CFAP44: variants seen among roughly 807,000 people sequenced by gnomAD.
CFAP44 encodes cilia- and flagella-associated protein 44.
A neutral mutation model predicts 216.2 loss-of-function variants in CFAP44; 134 were observed. The observed-to-expected ratio is 0.62, with a 90% CI of 0.54 to 0.72. The LOEUF is 0.72. Ranked by LOEUF, CFAP44 falls within the 30% of genes least tolerant of loss-of-function variation. The pLI, the probability that CFAP44 is intolerant of heterozygous loss-of-function variation, is 0.00. For missense variants in CFAP44, 2,035 were observed against 2,182.1 expected, an observed-to-expected ratio of 0.93 and a Z score of 1.34; for synonymous variants, 700 against 727.6, an observed-to-expected ratio of 0.96 and a Z score of 0.61.
intron 23 of CFAP44, among the ~76,000 whole-genome samples, 167 bp downstream of exon 23, chr3:113,344,349 C>T (rs1209444996): frequency 6.6e-6 from 1 of 152,202 alleles, no homozygotes; most frequent in Non-Finnish European, 1.5e-5. Context: ...ATACCATACA[C>T]TTTTGTCTCT....
At chr3:113,346,933 T>C (rs1473722527) in intron 22 of CFAP44, among the ~76,000 whole-genome samples, 7 of 152,170 alleles carry the variant, frequency 4.6e-5, no homozygotes, top group African/African-American at 1.7e-4. Context: ...TTATGAGCTA[T>C]AACACTCACC....
intron 15 of CFAP44, among the ~76,000 whole-genome samples, chr3:113,389,458 G>A (rs73237107): frequency 4.0e-4 from 61 of 151,766 alleles, no homozygotes; most frequent in Non-Finnish European, 7.2e-4. Context: ...ATATCTTAAA[G>A]AACTAAAAAA....
intron 28 of CFAP44, among the ~76,000 whole-genome samples, chr3:113,321,973 T>C (rs181948942): frequency 1.1e-3 from 172 of 152,284 alleles, no homozygotes; most frequent in African/African-American, 4.0e-3. Context: ...GCTACTCCTA[T>C]CAAATTACCA....
At chr3:113,378,272 T>A (rs575333545) in intron 17 of CFAP44, among the ~76,000 whole-genome samples, 1 of 152,352 alleles carries the variant, frequency 6.6e-6, no homozygotes, top group African/African-American at 2.4e-5. Flanking sequence ...CCATGTTTTC[T>A]TTATCCCTTT....
Position 113,358,833 on chromosome 3 carries a change from T to C in CFAP44, c.2977A>G (p.Lys993Glu). The C allele has an allele frequency of 6.5e-7, 1 of 1,536,896 alleles. No individual in the cohort carries two copies. Among genetic ancestry groups the C allele is most frequent in the Non-Finnish European group, 8.7e-7 (1 of 1,146,598 alleles). Residue 993 changes from lysine (K) to glutamate (E), a missense_variant, in exon 22 of 35, where the codon AAA becomes GAA. Physicochemically the swap from Lys to Glu is moderately conservative, Grantham distance 56. Transcript: ENST00000393845. Reference protein sequence around the residue: ...DSQIRAEMHRKTAFKIQQVEK... With the variant: ...DSQIRAEMHRETAFKIQQVEK... ...ACTTGTTGAATTTTGAAAGCTGTTT[T>C]TCTGTGCATCTCAGCACGGATTTGG...
chr3:113,295,454 T>C (rs1329877193), intron 33 of CFAP44, among the ~76,000 whole-genome samples: 1 of 152,240 alleles, frequency 6.6e-6, no homozygotes, highest in Non-Finnish European at 1.5e-5. Flanking sequence ...ATCGCCAACA[T>C]TCCCTTAATA....
Position 113,426,173 on chromosome 3 carries a change from G to A in CFAP44, c.358C>T (p.Pro120Ser). ...FYDYMELASM[P>S]FVTLDSNIPL... ...ATGTTTGAATCCAGAGTCACAAAAG[G>A]CATCGAAGCAAGCTCCATATAATCA... is the stretch of plus-strand genomic sequence containing the variant. Residue 120 changes from proline (P) to serine (S), a missense_variant, in exon 4 of 35, where the codon CCT becomes TCT. By Grantham distance (74) the Pro-to-Ser change is moderately conservative. This residue lies in a region of CFAP44 where 149 missense variants were observed against 141.8 expected (regional missense o/e 1.05). Coordinates refer to ENST00000393845, the MANE Select transcript of CFAP44 (RefSeq NM_001164496.2). 3 of 1,614,100 alleles carry A rather than the reference G, an allele frequency of 1.9e-6. No homozygotes were observed. The highest frequency in any genetic ancestry group is 2.2e-5 in the East Asian group (1 of 44,876).
chr3:113,411,817 T>C (rs1000441282), intron 6 of CFAP44, among the ~76,000 whole-genome samples: 6 of 152,216 alleles, frequency 3.9e-5, no homozygotes, highest in African/African-American at 1.4e-4. Context: ...TTTTAATTCA[T>C]TGAGCAGTGG....
intron 8 of CFAP44, among the ~76,000 whole-genome samples, chr3:113,404,588 C>T (rs1184748637): frequency 1.3e-5 from 2 of 152,064 alleles, no homozygotes; most frequent in Admixed American, 6.6e-5. Context: ...TGACTCTGTA[C>T]CAAGCACTGG....
intron 28 of CFAP44, among the ~76,000 whole-genome samples, chr3:113,319,422 C>T (rs1950120905): frequency 6.6e-6 from 1 of 152,164 alleles, no homozygotes; most frequent in Non-Finnish European, 1.5e-5. Flanking sequence ...CATTGGAGCA[C>T]CCAGATTCAT....
chr3:113,405,214 C>G (rs1466413140), intron 8 of CFAP44, among the ~76,000 whole-genome samples: 1 of 152,128 alleles, frequency 6.6e-6, no homozygotes, highest in Non-Finnish European at 1.5e-5. Context: ...TTTTTAACAA[C>G]CCTACCGACT....
At chr3:113,389,373 C>A (rs1416282452) in intron 15 of CFAP44, among the ~76,000 whole-genome samples, 1 of 151,874 alleles carries the variant, frequency 6.6e-6, no homozygotes, top group Non-Finnish European at 1.5e-5. Flanking sequence ...ACGGTGAAAG[C>A]AGTACTAAGA....
chr3:113,333,615 C>T (rs1950258400), intron 24 of CFAP44, 32 bp from the exon 25 acceptor site: 1 of 1,467,170 alleles, frequency 6.8e-7, no homozygotes, highest in African/African-American at 1.4e-5. Context: ...CCCCCACACA[C>T]AAATATGACA....
Position 113,341,864 on chromosome 3 carries a change from C to T in CFAP44, c.3317G>A (p.Arg1106Gln), listed in dbSNP as rs935423492. Reference sequence around the variant, plus strand: ...GATGATTTCACTTAGGGTTTTAGGCCGAAATTTCTTCCCTTTTTCTATTAT... The same window carrying T: ...GATGATTTCACTTAGGGTTTTAGGCTGAAATTTCTTCCCTTTTTCTATTAT... ...ESIIEKGKKF[R>Q]PKTLSEIIVE... The change falls in exon 24 of 35, where the codon CGG becomes CAG. Residue 1106 changes from arginine (R) to glutamine (Q), a missense_variant. Transcript: ENST00000393845. 3.9e-5 allele frequency: 59 copies of T among 1,531,406 alleles called. No homozygotes were observed. In the Middle Eastern group the frequency reaches 6.7e-4, roughly 17 times the overall value. The allele number at this position is 1,531,406 out of a possible 1,614,324, so 94.9% of individuals were successfully genotyped here. A position where few individuals can be genotyped will look rare whatever the true frequency, so the allele number is the denominator to read the frequency against.
At chr3:113,293,787 GGAA>G (rs973107213) in intron 34 of CFAP44, among the ~76,000 whole-genome samples, 3 of 152,160 alleles carry the variant, frequency 2.0e-5, no homozygotes, top group Admixed American at 2.0e-4. Flanking sequence ...CACTTTTCAT[GGAA>G]TAAACAACAT....
intron 20 of CFAP44, 48 bp from the exon 21 acceptor site, chr3:113,363,355 C>T: frequency 6.4e-7 from 1 of 1,574,444 alleles, no homozygotes; most frequent in Non-Finnish European, 8.6e-7. Flanking sequence ...ACAGAAACAG[C>T]AGAGAAAGAG....
At chr3:113,410,436 A>T (rs1934431185) in intron 6 of CFAP44, among the ~76,000 whole-genome samples, 1 of 152,066 alleles carries the variant, frequency 6.6e-6, no homozygotes, top group Non-Finnish European at 1.5e-5. Flanking sequence ...GCTCAGAATG[A>T]TGGTTTCCAG....
chr3:113,433,300 G>A (rs2107415453), intron 2 of CFAP44, among the ~76,000 whole-genome samples: 1 of 151,426 alleles, frequency 6.6e-6, no homozygotes, highest in Non-Finnish European at 1.5e-5. Flanking sequence ...GTGGTAGCAG[G>A]CACCTGTAAT....
chr3:113,344,527 T>C lies in CFAP44; in HGVS notation c.3251A>G (p.Gln1084Arg), dbSNP rs1405126764. Residue 1084 changes from glutamine (Q) to arginine (R), a missense_variant, in exon 23 of 35, where the codon CAG becomes CGG. Gln to Arg is a conservative substitution (Grantham distance 43, BLOSUM62 1). Coordinates refer to ENST00000393845, the MANE Select transcript of CFAP44 (RefSeq NM_001164496.2). ...TTGTCATAGGCTACCTGCATCTCTC[T>C]GGCTGTCCTTTCTTCCAGGTCCCTC... ...EKEGPGRKDS[Q>R]RDAGGSVTIQ... The C allele has an allele frequency of 3.3e-6, 5 of 1,536,782 alleles. No homozygotes were observed. Among genetic ancestry groups the C allele is most frequent in the Admixed American group, 2.0e-5 (1 of 50,896 alleles).
Sources: gnomAD v4.1 joint callset for allele counts (sites outside exome capture counted in the v4.1 genomes callset) on GRCh38, gnomAD v4.1.1 for gene constraint, gnomAD v4.1.1 regional missense constraint, MANE v1.5 for transcripts, NCBI Gene and HGNC (gene_info 2026-07-23, HGNC 2026-07-21) for gene names.